EIF3A: variants seen among roughly 807,000 people sequenced by gnomAD.
EIF3A encodes EIF3, p180 subunit.
A neutral mutation model predicts 186.6 loss-of-function variants in EIF3A; 21 were observed. The observed-to-expected ratio is 0.11, with a 90% confidence interval of 0.08 to 0.16. The LOEUF (loss-of-function observed/expected upper bound fraction) is 0.16, where lower values mean the gene tolerates loss of function less well. Among genes scored for constraint, EIF3A ranks in the 10% least tolerant of loss-of-function variants. The pLI, the probability that EIF3A is intolerant of heterozygous loss-of-function variation, is 1.00. For synonymous variants in EIF3A, 563 were observed against 584.3 expected (o/e 0.96, Z 0.52); for missense variants, 1,306 against 1,796.3 (o/e 0.73, Z 4.93).
chr10:119,074,622 T>A (rs988001148), intron 1 of EIF3A, among the ~76,000 whole-genome samples: 1 of 151,910 alleles, frequency 6.6e-6, no homozygotes, highest in South Asian at 2.1e-4. Flanking sequence ...AAAATTCTTT[T>A]TTTTTTTAAA....
chr10:119,073,953 GAATT>G lies in EIF3A; in HGVS notation c.50-20_50-17del, dbSNP rs765329681. On this transcript the variant is annotated splice_polypyrimidine_tract_variant and intron_variant, in intron 1 of 21. Transcript: ENST00000369144. The stretch of plus-strand genomic sequence containing the variant: ...TCAAGAAATTCTGAAAAATTCAGAA[GAATT>G]AAAATTAGTTATGTACACTATACAA... 1.0e-5 allele frequency: 16 copies of G among 1,576,366 alleles called. No individual in the cohort carries two copies. The highest frequency in any genetic ancestry group is 2.0e-4 in the Middle Eastern group (1 of 5,118).
chr10:119,075,267 A>T (rs1277603846), intron 1 of EIF3A, among the ~76,000 whole-genome samples: 6 of 152,038 alleles, frequency 3.9e-5, no homozygotes, highest in Non-Finnish European at 7.4e-5. Context: ...GACAACTTAT[A>T]TTCTTTTGAA....
At chr10:119,050,430 ATTCC>A (rs1334928939) in intron 16 of EIF3A, 87 bp downstream of exon 16, 12 of 1,321,582 alleles carry the variant, frequency 9.1e-6, no homozygotes, top group Admixed American at 2.1e-5. Flanking sequence ...AATTACCTTG[ATTCC>A]TGTATTTTCT....
rs748205520 is a variant in EIF3A, at chr10:119,049,963, G to A, written c.2496C>T (p.Ala832=). ...MLKEREERER[A]ERAKREEELR... ...GCTCTTCCTCGCGTTTTGCTCGTTC[G>A]GCGCGCTCTCTCTCTTCCCGCTCTA... is the stretch of plus-strand genomic sequence containing the variant. The change falls in exon 17 of 22, where the codon GCC becomes GCT. Residue 832 remains alanine, a synonymous_variant. Transcript: ENST00000369144. The A allele has an allele frequency of 3.7e-5, 60 of 1,613,732 alleles. No individual in the cohort carries two copies. Among genetic ancestry groups the A allele is most frequent in the East Asian group, 1.6e-4 (7 of 44,894 alleles).
rs373029650 is a variant in EIF3A, at chr10:119,052,238, A to G, written c.2197-917T>C. On this transcript the variant is annotated intron_variant, in intron 14 of 21. Transcript: ENST00000369144. ...TTGTCAGGTCAACAATGTTCGTAGC[A>G]TTTTCACCAGGAGATTTCAAGAAAC... Among the ~76,000 whole-genome samples, 5 of 152,118 alleles carry G rather than the reference A, an allele frequency of 3.3e-5. No individual in the cohort carries two copies. In the East Asian group the frequency reaches 5.8e-4, roughly 18 times the overall value.
chr10:119,059,571 C>T (rs1843847979), intron 10 of EIF3A, 31 bp downstream of exon 10: 5 of 1,539,760 alleles, frequency 3.2e-6, no homozygotes, highest in African/African-American at 2.7e-5. Context: ...CCTCAAGGGC[C>T]TTCTCCTGTC....
Position 119,061,313 on chromosome 10 carries a change from G to T in EIF3A, c.1138C>A (p.Leu380Ile). Residue 380 changes from leucine (L) to isoleucine (I), a missense_variant, in exon 8 of 22, where the codon CTA (leucine) becomes ATA (isoleucine). By Grantham distance (5) the Leu-to-Ile change is conservative. Transcript: ENST00000369144. ...TTCACTTCTGGGACAACATATTGTA[G>T]TACATTAAATCTGACCTACAGTAAG... ...LINDMVRFNVLQYVVPEVKDL... is the reference protein window; with the variant it reads ...LINDMVRFNVIQYVVPEVKDL... 6.4e-7 allele frequency: 1 copy of T among 1,559,220 alleles called. No homozygotes were observed. The highest frequency in any genetic ancestry group is 8.8e-7 in the Non-Finnish European group (1 of 1,140,456).
In EIF3A at chr10:119,044,099, T is replaced by C; in HGVS notation, c.2702A>G (p.Lys901Arg). 1.9e-6 allele frequency: 3 copies of C among 1,614,110 alleles called. No homozygotes were observed. The highest frequency in any genetic ancestry group is 2.5e-6 in the Non-Finnish European group (3 of 1,179,960). Residue 901 changes from lysine to arginine, a missense_variant, in exon 18 of 22, where the codon AAA becomes AGA. Physicochemically the swap from Lys to Arg is conservative, Grantham distance 26. This residue lies in a region of EIF3A where 410 missense variants were observed against 473.5 expected (regional missense o/e 0.87). Coordinates refer to ENST00000369144, the MANE Select transcript of EIF3A (RefSeq NM_003750.4). ...GDRDSEGTWR[K>R]GPEADSEWRR... ...CCACTCAGAATCTGCTTCAGGTCCT[T>C]TTCTCCAGGTGCCTTCTGAATCTCT...
At chr10:119,076,093 C>G (rs970978244) in intron 1 of EIF3A, among the ~76,000 whole-genome samples, 26 of 150,278 alleles carry the variant, frequency 1.7e-4, no homozygotes, top group African/African-American at 6.3e-4. Context: ...AATCACAGCA[C>G]TTTGGGAGGC....
chr10:119,044,910 G>A (rs926959524), intron 17 of EIF3A, among the ~76,000 whole-genome samples: 11 of 149,720 alleles, frequency 7.3e-5, no homozygotes, highest in Admixed American at 1.4e-4. Flanking sequence ...AACAATGCGT[G>A]AATAAGAGAA....
intron 5 of EIF3A, among the ~76,000 whole-genome samples, chr10:119,070,015 T>C (rs1379124785): frequency 2.0e-5 from 3 of 152,044 alleles, no homozygotes; most frequent in East Asian, 3.8e-4. Context: ...TTTTAACTTA[T>C]GGATTTTTTT....
intron 9 of EIF3A, chr10:119,060,064 G>C (rs1180798529): frequency 1.9e-6 from 1 of 516,926 alleles, no homozygotes; most frequent in Non-Finnish European, 3.8e-6. Flanking sequence ...CTGCTAATTA[G>C]CCTTCAATTA....
At chr10:119,056,207 T>G (rs1393889132) in intron 14 of EIF3A, among the ~76,000 whole-genome samples, 2 of 152,200 alleles carry the variant, frequency 1.3e-5, no homozygotes, top group Non-Finnish European at 2.9e-5. Flanking sequence ...AAATATAAAA[T>G]ATACTATAAG....
At chr10:119,037,595 A>G (rs1257264488) in intron 20 of EIF3A, among the ~76,000 whole-genome samples, 1 of 152,220 alleles carries the variant, frequency 6.6e-6, no homozygotes, top group African/African-American at 2.4e-5. Flanking sequence ...CTTGGCTGCC[A>G]AATGTGACTG....
Position 119,048,121 on chromosome 10 carries a change from CGT to C in EIF3A, c.2658+1678_2658+1679del, listed in dbSNP as rs757947109. The stretch of plus-strand genomic sequence containing the variant: ...GCAGCAACACGGAAGACTACTAACG[CGT>C]GTTTTAAAACCTTTGGCTCTCAGTA... On this transcript the variant is annotated intron_variant, in intron 17 of 21. Coordinates refer to ENST00000369144, the MANE Select transcript of EIF3A (RefSeq NM_003750.4). Among the ~76,000 whole-genome samples, 29 of 152,214 alleles carry C rather than the reference CGT, an allele frequency of 1.9e-4. No individual in the cohort carries two copies. In the East Asian group the frequency reaches 4.8e-3, roughly 25 times the overall value.
At position 119,042,583 on chromosome 10, in the gene EIF3A, A is replaced by G. The variant is rs751646606; in HGVS notation, c.2937T>C (p.Arg979=). Residue 979 remains arginine, a synonymous_variant, in exon 19 of 22, where the codon CGT becomes CGC. Transcript: ENST00000369144. This position sits in a 1 kb window ranked among gnomAD's most constrained non-coding sequence, Gnocchi z 7.8. ...AAGGCCGGTCATCGTCTGCCCCACG[A>G]CGAGAGAACCTATCTTCCTCAGGAC... ...RRGPEEDRFS[R]RGADDDRPSW... 6.2e-7 allele frequency: 1 copy of G among 1,613,480 alleles called. No homozygotes were observed. Among genetic ancestry groups the G allele is most frequent in the South Asian group, 1.1e-5 (1 of 91,028 alleles).
chr10:119,080,328 AG>A, intron 1 of EIF3A: 1 of 985,338 alleles, frequency 1.0e-6, no homozygotes, highest in Non-Finnish European at 1.2e-6. Context: ...GCAAGGAGGG[AG>A]CTCCAGTCCG....
chr10:119,048,951 G>C (rs1848318489), intron 17 of EIF3A, among the ~76,000 whole-genome samples: 1 of 152,154 alleles, frequency 6.6e-6, no homozygotes, highest in Non-Finnish European at 1.5e-5. Context: ...ATAGGCATGA[G>C]CCACCACGCC....
intron 5 of EIF3A, among the ~76,000 whole-genome samples, chr10:119,070,246 C>A (rs1275296991): frequency 6.6e-6 from 1 of 152,158 alleles, no homozygotes; most frequent in Non-Finnish European, 1.5e-5. Context: ...TATGGAACGT[C>A]TTTGTAGGAT....
Sources: gnomAD v4.1 joint callset for allele counts (sites outside exome capture counted in the v4.1 genomes callset) on GRCh38, gnomAD v4.1.1 for gene constraint, gnomAD v4.1.1 regional missense constraint, Gnocchi (gnomAD v3.1) non-coding constraint, MANE v1.5 for transcripts, NCBI Gene and HGNC (gene_info 2026-07-23, HGNC 2026-07-21) for gene names.